The following MAP4 variants were observed in gnomAD, a reference collection of about 807,000 sequenced individuals.
The protein encoded by MAP4 is microtubule-associated protein 4.
A neutral mutation model predicts 170.2 loss-of-function variants in MAP4; 76 were observed. The observed-to-expected ratio is 0.45, with a 90% CI of 0.37 to 0.54. The LOEUF (loss-of-function observed/expected upper bound fraction) is 0.54, where lower values mean the gene tolerates loss of function less well. Among genes scored for constraint, MAP4 ranks in the 20% least tolerant of loss-of-function variants. MAP4 has a pLI of 0.00. For synonymous variants in MAP4, 909 were observed against 994.5 expected (o/e 0.91, Z 1.62); for missense variants, 2,506 against 2,748.0 (o/e 0.91, Z 1.97).
chr3:48,038,535 A>G (rs1273059500), intron 1 of MAP4, among the ~76,000 whole-genome samples: 1 of 139,462 alleles, frequency 7.2e-6, no homozygotes, highest in Non-Finnish European at 1.5e-5. Context: ...ATCTTGGCTC[A>G]CTGCAAGCTC....
chr3:47,859,543 T>C (rs1415809678), intron 17 of MAP4, among the ~76,000 whole-genome samples: 3 of 152,236 alleles, frequency 2.0e-5, no homozygotes, highest in African/African-American at 4.8e-5. Flanking sequence ...AAACCCATTA[T>C]GTTTTCTTCC....
chr3:47,898,357 C>T (rs778018219), intron 10 of MAP4, among the ~76,000 whole-genome samples: 3 of 152,054 alleles, frequency 2.0e-5, no homozygotes, highest in Non-Finnish European at 4.4e-5. Context: ...CAAAAATTAG[C>T]TGGGCGTGGT....
rs995104029 is a variant in MAP4 at position 48,055,404 on chromosome 3, C to A, written c.-20+33369G>T. 2.6e-5 allele frequency among the ~76,000 whole-genome samples: 4 copies of A among 152,152 alleles called. No homozygotes were observed. In the South Asian group the frequency reaches 8.3e-4, roughly 32 times the overall value. ...TGGTTTTGGTGGAGACGGGGTTTCG[C>A]TGTGTTGGCCGGGCCGGTCTCCAGC... On this transcript the variant is annotated intron_variant, in intron 1 of 18. Coordinates refer to the MAP4 transcript ENST00000360240.
At chr3:47,949,305 A>G (rs1300028251) in intron 3 of MAP4, among the ~76,000 whole-genome samples, 3 of 151,924 alleles carry the variant, frequency 2.0e-5, no homozygotes, top group African/African-American at 7.3e-5. Flanking sequence ...GTCTCTACTA[A>G]GAATACAAAA....
upstream of MAP4, among the ~76,000 whole-genome samples, chr3:48,017,031 G>A (rs967022973): frequency 6.6e-6 from 1 of 151,846 alleles, no homozygotes; most frequent in African/African-American, 2.4e-5. Flanking sequence ...CACCCATCTT[G>A]GCCTCCCAAA....
chr3:47,870,625 A>G (rs369985891), intron 15 of MAP4, among the ~76,000 whole-genome samples, 188 bp downstream of exon 15: 2 of 152,286 alleles, frequency 1.3e-5, no homozygotes, highest in African/African-American at 4.8e-5. Context: ...GAAAGCCCAG[A>G]GCTCAGCCTA....
chr3:48,019,751 C>T (rs566256983), upstream of MAP4, among the ~76,000 whole-genome samples: 3 of 152,274 alleles, frequency 2.0e-5, no homozygotes, highest in Admixed American at 2.0e-4. Context: ...AGCCTGCACA[C>T]CTGTGGTCCC....
At chr3:47,890,037 T>C (rs144027680) in intron 10 of MAP4, among the ~76,000 whole-genome samples, 143 of 151,492 alleles carry the variant, frequency 9.4e-4, no homozygotes, top group African/African-American at 3.3e-3. Context: ...TTCATAAAAA[T>C]ATACTGAGAG....
chr3:47,885,170 T>C (rs1041488886), intron 10 of MAP4, among the ~76,000 whole-genome samples: 5 of 152,192 alleles, frequency 3.3e-5, no homozygotes, highest in African/African-American at 1.2e-4. Flanking sequence ...TTTCAGTCTA[T>C]GCCTGTTGGT....
intron 3 of MAP4, among the ~76,000 whole-genome samples, chr3:47,951,934 T>C (rs2100064333): frequency 6.7e-6 from 1 of 149,662 alleles, no homozygotes; most frequent in Non-Finnish European, 1.5e-5. Context: ...CCATCCCAAC[T>C]AGGAAGTGTG....
chr3:47,987,286 A>G (rs1439671423), intron 2 of MAP4: 2 of 839,332 alleles, frequency 2.4e-6, no homozygotes, highest in African/African-American at 3.4e-5. Flanking sequence ...TTCCTGTGCT[A>G]GAGCATGTTA....
At chr3:47,933,865 G>A (rs1458644852) in intron 3 of MAP4, among the ~76,000 whole-genome samples, 2 of 152,182 alleles carry the variant, frequency 1.3e-5, no homozygotes, top group Admixed American at 1.3e-4. Flanking sequence ...GCCTCCCAAA[G>A]TGCTGGGATG....
chr3:47,854,260 C>T (rs972040355), intron 19 of MAP4, among the ~76,000 whole-genome samples: 3 of 152,228 alleles, frequency 2.0e-5, no homozygotes, highest in Admixed American at 6.5e-5. Context: ...GCCAAGTTAA[C>T]GCCCCACTGA....
chr3:47,958,597 A>G (rs1221156670), intron 3 of MAP4, among the ~76,000 whole-genome samples: 2 of 151,444 alleles, frequency 1.3e-5, no homozygotes, highest in African/African-American at 4.9e-5. Flanking sequence ...ACTCACTGCA[A>G]CCTCCGCCTC....
At chr3:47,901,941 C>T (rs1487139561) in intron 10 of MAP4, among the ~76,000 whole-genome samples, 1 of 152,078 alleles carries the variant, frequency 6.6e-6, no homozygotes, top group Admixed American at 6.5e-5. Flanking sequence ...GGAAGGATTG[C>T]TTGAGGCCAG....
chr3:47,979,435 TCC>T (rs2100084182), intron 2 of MAP4, among the ~76,000 whole-genome samples: 1 of 152,152 alleles, frequency 6.6e-6, no homozygotes, highest in Non-Finnish European at 1.5e-5. Context: ...GCCAATACCA[TCC>T]TGTCTTGATT....
intron 1 of MAP4, among the ~76,000 whole-genome samples, chr3:48,071,126 A>C (rs2100140800): frequency 6.6e-6 from 1 of 152,214 alleles, no homozygotes; most frequent in Admixed American, 6.5e-5. Flanking sequence ...GGGCAGACAA[A>C]AATATAACAA....
intron 2 of MAP4, chr3:47,987,405 G>T (rs1362242561): frequency 6.5e-7 from 1 of 1,533,354 alleles, no homozygotes. Context: ...GAAAAGAAAG[G>T]CTGGCAGGGT....
At chr3:47,918,052 G>A (rs897029566) in intron 6 of MAP4, among the ~76,000 whole-genome samples, 2 of 151,804 alleles carry the variant, frequency 1.3e-5, no homozygotes, top group South Asian at 2.1e-4. Context: ...GCGCAATCTC[G>A]GCTGACAGCA....
Sources: allele counts gnomAD v4.1 joint callset (sites outside exome capture counted in the v4.1 genomes callset), GRCh38; gene constraint gnomAD v4.1.1; transcripts MANE v1.5; gene names NCBI Gene and HGNC (gene_info 2026-07-23, HGNC 2026-07-21).